The following MORN1 variants were observed in gnomAD, a reference collection of about 807,000 sequenced individuals.
The protein encoded by MORN1 is MORN repeat-containing protein 1.
MORN1 carries 67 observed loss-of-function variants against 61.9 expected under a neutral mutation model. The observed-to-expected ratio is 1.08, with a 90% confidence interval of 0.89 to 1.33. The LOEUF (loss-of-function observed/expected upper bound fraction) is 1.33. Among genes scored for constraint, MORN1 ranks in the 40% most tolerant of loss-of-function variants. The probability of loss-of-function intolerance (pLI) is 0.00; values close to 1 mark genes in which losing one functional copy is unlikely to be tolerated. For missense variants in MORN1, 752 were observed against 691.2 expected (o/e 1.09, Z -0.99); for synonymous variants, 301 against 292.0 (o/e 1.03, Z -0.31).
rs538026972 is a variant in MORN1 at position 2,348,679 on chromosome 1, G to A, written c.1036+8753C>T. ...CACACGCACGCACACGCACACCTGCGCAGGCACGCACACACACGCACGCAC... is the reference window on the plus strand; with the variant it reads ...CACACGCACGCACACGCACACCTGCACAGGCACGCACACACACGCACGCAC... On this transcript the variant is annotated intron_variant, in intron 10 of 13. Transcript: ENST00000378531. Among the ~76,000 whole-genome samples, 6 of 143,646 alleles carry A rather than the reference G, an allele frequency of 4.2e-5. No homozygotes were observed. The East Asian group carries it at 8.2e-4, about 20-fold the overall frequency. The allele number at this position is 143,646 out of a possible 152,430, so 94.2% of individuals were successfully genotyped here.
chr1:2,335,369 G>A (rs928274629), intron 12 of MORN1, among the ~76,000 whole-genome samples: 8 of 152,166 alleles, frequency 5.3e-5, no homozygotes, highest in Non-Finnish European at 1.0e-4. Context: ...TCACACTCAC[G>A]TCCGCTTCTG....
intron 10 of MORN1, among the ~76,000 whole-genome samples, chr1:2,345,850 CACACAGAT>C (rs1162606178): frequency 2.0e-5 from 2 of 99,172 alleles, no homozygotes; most frequent in Non-Finnish European, 5.1e-5. Context: ...CACACACACA[CACACAGAT>C]GTTTGCTCTT....
rs1035867444 is a variant in MORN1, at chr1:2,324,228, G to T, written c.1251-85C>A. 5 of 1,409,696 alleles carry T rather than the reference G, an allele frequency of 3.5e-6. No individual in the cohort carries two copies. The African/African-American group carries it at 5.7e-5, about 16-fold the overall frequency. The allele number at this position is 1,409,696 out of a possible 1,614,324, so 87.3% of individuals were successfully genotyped here. On this transcript the variant is annotated intron_variant, in intron 12 of 13. Transcript: ENST00000378531. ...TCCCTGACCTGAACCAGGGCTAGTG[G>T]CTCCAGGGCAGATTCAGGGCCCCAG...
chr1:2,382,393 G>C (rs892971605), intron 6 of MORN1, among the ~76,000 whole-genome samples: 1 of 152,188 alleles, frequency 6.6e-6, no homozygotes, highest in Non-Finnish European at 1.5e-5. Flanking sequence ...TGGGGATCAT[G>C]AGCCAATGCA....
chr1:2,338,799 A>T (rs1641336344), intron 10 of MORN1, among the ~76,000 whole-genome samples: 5 of 152,128 alleles, frequency 3.3e-5, no homozygotes, highest in Admixed American at 3.3e-4. Flanking sequence ...TTGCCTGGTG[A>T]TCACAATGGC....
intron 12 of MORN1, among the ~76,000 whole-genome samples, chr1:2,335,733 G>A (rs562798209): frequency 1.4e-4 from 22 of 152,056 alleles, no homozygotes; most frequent in Non-Finnish European, 2.6e-4. Context: ...GTCACTCTGC[G>A]AGCAACCCAG....
At chr1:2,345,280 A>G (rs1375947966) in intron 10 of MORN1, among the ~76,000 whole-genome samples, 1 of 152,174 alleles carries the variant, frequency 6.6e-6, no homozygotes, top group African/African-American at 2.4e-5. Flanking sequence ...CATTCCTTCC[A>G]CCAGGCCAGG....
chr1:2,355,223 G>A (rs931507571), intron 10 of MORN1: 21 of 1,373,954 alleles, frequency 1.5e-5, no homozygotes, highest in South Asian at 8.7e-5. Flanking sequence ...CCACCTATGC[G>A]GTGTGGAACT....
chr1:2,352,203 A>C, intron 10 of MORN1: 1 of 216,100 alleles, frequency 4.6e-6, no homozygotes, highest in African/African-American at 2.3e-5. Context: ...AAAAAAGAAG[A>C]AGGGGAGGGT....
chr1:2,364,144 A>G (rs1431662930), intron 8 of MORN1, among the ~76,000 whole-genome samples: 1 of 152,186 alleles, frequency 6.6e-6, no homozygotes, highest in Non-Finnish European at 1.5e-5. Context: ...AAGAAATAAA[A>G]AGTGACCATA....
At chr1:2,377,011 G>A (rs534606537) in intron 6 of MORN1, 2 of 152,304 alleles carry the variant, frequency 1.3e-5, no homozygotes, top group South Asian at 2.1e-4. Context: ...GGGCCTCAGG[G>A]AGCACCCAGG....
In MORN1 at chr1:2,357,500, G is replaced by C; in HGVS notation, c.968C>G (p.Pro323Arg). ...KGGAEADVPL[P>R]RGDLELHLGA... ...CAAATGCAGCTCCAGGTCTCCCCTG[G>C]GCAGGGGCACGTCGGCTTCTGCCCC... is the stretch of plus-strand genomic sequence containing the variant. The change falls in exon 10 of 14, where the codon CCC becomes CGC. Residue 323 changes from proline (P) to arginine (R), a missense_variant. Coordinates refer to ENST00000378531, the MANE Select transcript of MORN1 (RefSeq NM_024848.3). The surrounding 1 kb of genome is among the most constrained non-coding windows in gnomAD (Gnocchi z 6.3). 6.2e-7 allele frequency: 1 copy of C among 1,612,790 alleles called. No homozygotes were observed. The highest frequency in any genetic ancestry group is 1.7e-5 in the Admixed American group (1 of 59,960).
chr1:2,386,004 C>A, intron 4 of MORN1, 107 bp from the exon 5 acceptor site: 1 of 943,834 alleles, frequency 1.1e-6, no homozygotes, highest in Non-Finnish European at 1.7e-6. Context: ...AGTAGCAAGT[C>A]TAGGAGGCAT....
At chr1:2,381,631 G>A (rs933691783) in intron 6 of MORN1, among the ~76,000 whole-genome samples, 7 of 152,184 alleles carry the variant, frequency 4.6e-5, no homozygotes, top group African/African-American at 1.4e-4. Flanking sequence ...TGTAGGTCAC[G>A]CGAAGGGTTT....
At chr1:2,360,625 C>A (rs1415803485) in intron 8 of MORN1, among the ~76,000 whole-genome samples, 2 of 152,054 alleles carry the variant, frequency 1.3e-5, no homozygotes, top group Non-Finnish European at 2.9e-5. Flanking sequence ...AGAGAGAGGA[C>A]CCTGAGTAGA....
At chr1:2,347,783 C>T (rs1040609501) in intron 10 of MORN1, among the ~76,000 whole-genome samples, 19 of 152,214 alleles carry the variant, frequency 1.2e-4, no homozygotes, top group Non-Finnish European at 2.9e-5. Flanking sequence ...CGTCACCCCC[C>T]TGCCACCCTG....
intron 12 of MORN1, among the ~76,000 whole-genome samples, chr1:2,335,188 G>A (rs1319637090): frequency 6.6e-6 from 1 of 152,350 alleles, no homozygotes; most frequent in Non-Finnish European, 1.5e-5. Context: ...GGCAGCCCCC[G>A]AGCGTTCCCC....
intron 1 of MORN1, among the ~76,000 whole-genome samples, chr1:2,391,212 G>T (rs1332094034): frequency 1.3e-5 from 2 of 152,130 alleles, no homozygotes; most frequent in African/African-American, 4.8e-5. Context: ...AGGAGCCCGC[G>T]GGGGGCGACC....
At chr1:2,361,105 T>C (rs536826469) in intron 8 of MORN1, among the ~76,000 whole-genome samples, 2 of 152,284 alleles carry the variant, frequency 1.3e-5, no homozygotes, top group Admixed American at 6.5e-5. Flanking sequence ...ATGCAAAGAA[T>C]GCAGGAAAGT....
Sources: gnomAD v4.1 joint callset for allele counts (sites outside exome capture counted in the v4.1 genomes callset) on GRCh38, gnomAD v4.1.1 for gene constraint, Gnocchi (gnomAD v3.1) non-coding constraint, MANE v1.5 for transcripts, NCBI Gene and HGNC (gene_info 2026-07-23, HGNC 2026-07-21) for gene names.